SRGAP3: variants seen among roughly 807,000 people sequenced by gnomAD.
The protein encoded by SRGAP3 is SLIT-ROBO Rho GTPase-activating protein 3.
Under a neutral mutation model 121.1 loss-of-function variants are expected in SRGAP3, and 39 were observed. That is an observed-to-expected ratio of 0.32 (90% confidence interval 0.25 to 0.42). SRGAP3 has a LOEUF of 0.42. SRGAP3 is among the 10% of genes least tolerant of loss of function. SRGAP3 has a pLI of 1.00. For synonymous variants in SRGAP3, 601 were observed against 570.0 expected, an observed-to-expected ratio of 1.05 and a Z score of -0.77; for missense variants, 1,213 against 1,470.6, an observed-to-expected ratio of 0.82 and a Z score of 2.86.
intron 1 of SRGAP3, among the ~76,000 whole-genome samples, chr3:9,154,502 C>T (rs553860641): frequency 3.9e-5 from 6 of 151,940 alleles, no homozygotes; most frequent in South Asian, 4.2e-4. Context: ...CCTACCTCTA[C>T]GTCTCAAGGC....
At chr3:9,023,994 A>C (rs1944057145) in intron 14 of SRGAP3, among the ~76,000 whole-genome samples, 1 of 152,216 alleles carries the variant, frequency 6.6e-6, no homozygotes, top group Non-Finnish European at 1.5e-5. Flanking sequence ...GCAGGATGGA[A>C]TGGAGATGAC....
At chr3:9,358,336 T>G (rs539612440) in intron 1 of SRGAP3, among the ~76,000 whole-genome samples, 1 of 152,316 alleles carries the variant, frequency 6.6e-6, no homozygotes, top group African/African-American at 2.4e-5. Context: ...CATGTATGCC[T>G]GTATAACACA....
chr3:9,242,541 G>A (rs370738384), intron 1 of SRGAP3, among the ~76,000 whole-genome samples: 32 of 152,196 alleles, frequency 2.1e-4, no homozygotes, highest in Admixed American at 3.3e-4. Context: ...AGGCTGAGGC[G>A]GGAGAATTGC....
intron 1 of SRGAP3, among the ~76,000 whole-genome samples, chr3:9,357,807 C>T (rs898203033): frequency 6.6e-6 from 1 of 151,946 alleles, no homozygotes; most frequent in Non-Finnish European, 1.5e-5. Context: ...GATGAGTTAC[C>T]CATATGACCA....
chr3:9,276,928 A>G (rs1407403271), intron 3 of SRGAP3, among the ~76,000 whole-genome samples: 1 of 152,244 alleles, frequency 6.6e-6, no homozygotes, highest in South Asian at 2.1e-4. Flanking sequence ...GCACTGAGCT[A>G]GGTGCGTCAC....
At chr3:9,271,520 C>A (rs71314333) in intron 3 of SRGAP3, among the ~76,000 whole-genome samples, 1,957 of 152,236 alleles carry the variant, frequency 0.013, 21 homozygotes, top group Non-Finnish European at 0.02. Flanking sequence ...TCAGAAGGAC[C>A]CTCCCGGTTT....
intron 3 of SRGAP3, among the ~76,000 whole-genome samples, chr3:9,274,589 G>A (rs2125262156): frequency 6.6e-6 from 1 of 152,340 alleles, no homozygotes; most frequent in South Asian, 2.1e-4. Context: ...AGTGTTAACA[G>A]CTCGGTGGAG....
At chr3:9,115,719 G>A (rs1388899487) in intron 2 of SRGAP3, among the ~76,000 whole-genome samples, 1 of 152,174 alleles carries the variant, frequency 6.6e-6, no homozygotes, top group African/African-American at 2.4e-5. Context: ...ATGGGACTTA[G>A]AGTGATTTGA....
intron 1 of SRGAP3, among the ~76,000 whole-genome samples, chr3:9,212,049 T>C (rs1325100718): frequency 7.6e-6 from 1 of 132,446 alleles, no homozygotes; most frequent in Non-Finnish European, 1.7e-5. Flanking sequence ...TCTTAACTTT[T>C]TGTTGAAGTG....
At chr3:9,206,660 C>T (rs562792553) in intron 1 of SRGAP3, among the ~76,000 whole-genome samples, 1 of 152,272 alleles carries the variant, frequency 6.6e-6, no homozygotes, top group African/African-American at 2.4e-5. Flanking sequence ...AAAACACTTC[C>T]ACTGAGATCT....
At chr3:9,237,380 A>G (rs973500475) in intron 1 of SRGAP3, among the ~76,000 whole-genome samples, 13 of 152,202 alleles carry the variant, frequency 8.5e-5, no homozygotes, top group Admixed American at 8.5e-4. Context: ...TCTAGGTGCC[A>G]AAAAACACTA....
chr3:9,048,644 G>C (rs1429271014), intron 9 of SRGAP3, among the ~76,000 whole-genome samples: 1 of 152,040 alleles, frequency 6.6e-6, no homozygotes. Context: ...AACATAGCAA[G>C]ACCAAGTCTC....
intron 1 of SRGAP3, among the ~76,000 whole-genome samples, chr3:9,157,776 A>C (rs1467318545): frequency 6.6e-6 from 1 of 152,240 alleles, no homozygotes; most frequent in Non-Finnish European, 1.5e-5. Context: ...AGGACAACTT[A>C]TACATCTATA....
chr3:9,145,016 T>C (rs891867667), intron 1 of SRGAP3, among the ~76,000 whole-genome samples: 8 of 152,246 alleles, frequency 5.3e-5, no homozygotes, highest in Admixed American at 2.0e-4. Context: ...TTCTCTCTCT[T>C]TTCTCTAAGT....
At chr3:9,281,391 C>A (rs1447405146) in intron 3 of SRGAP3, among the ~76,000 whole-genome samples, 1 of 152,062 alleles carries the variant, frequency 6.6e-6, no homozygotes. Flanking sequence ...TGACCATGGC[C>A]ACTCAGAATC....
At chr3:9,029,904 G>A (rs1344494357) in intron 12 of SRGAP3, among the ~76,000 whole-genome samples, 7 of 152,106 alleles carry the variant, frequency 4.6e-5, no homozygotes, top group Non-Finnish European at 1.0e-4. Context: ...GACTTTGGGA[G>A]GCCCTTGGGA....
intron 4 of SRGAP3, among the ~76,000 whole-genome samples, chr3:9,068,333 C>T (rs1352726752): frequency 3.3e-5 from 5 of 152,172 alleles, no homozygotes; most frequent in Non-Finnish European, 7.3e-5. Context: ...ATATCCTTTG[C>T]CTAGTTTTCT....
chr3:9,075,273 T>C (rs1045213814), intron 4 of SRGAP3, among the ~76,000 whole-genome samples: 6 of 152,148 alleles, frequency 3.9e-5, no homozygotes, highest in Non-Finnish European at 8.8e-5. Flanking sequence ...GTGGGATATA[T>C]GTGTGCGCAC....
At chr3:9,060,427 C>CATTT in intron 5 of SRGAP3, 68 bp from the exon 6 acceptor site, 1 of 986,574 alleles carries the variant, frequency 1.0e-6, no homozygotes, top group Non-Finnish European at 1.3e-6. Context: ...ATTTTCTATT[C>CATTT]CTTTTTTTTT....
Sources: allele counts gnomAD v4.1 joint callset (sites outside exome capture counted in the v4.1 genomes callset), GRCh38; gene constraint gnomAD v4.1.1; transcripts MANE v1.5; gene names NCBI Gene and HGNC (gene_info 2026-07-23, HGNC 2026-07-21).